JAG2: variants seen among roughly 807,000 people sequenced by gnomAD.
JAG2 encodes protein jagged-2.
In JAG2, 46 loss-of-function variants were observed where a neutral mutation model predicts 141.7. That is an observed-to-expected ratio of 0.32 (90% CI 0.26 to 0.42). The LOEUF (loss-of-function observed/expected upper bound fraction) is 0.42, where lower values mean the gene tolerates loss of function less well. JAG2 is among the 10% of genes least tolerant of loss of function. The probability of loss-of-function intolerance (pLI) is 1.00; values close to 1 mark genes in which losing one functional copy is unlikely to be tolerated. For missense variants in JAG2, 1,500 were observed against 1,817.5 expected (o/e 0.83, Z 3.18); for synonymous variants, 862 against 763.5 (o/e 1.13, Z -2.13).
rs1407813724 is a variant in JAG2, at chr14:105,141,688, C to T, written c.*1007G>A. On this transcript the variant is annotated 3_prime_UTR_variant, in exon 26 of 26. Transcript: ENST00000331782. ...TCTGCCGGCGTGGCTCTCCCCCAACCTCACTCTCAATACAAAAGGGACAGC... is the reference window on the plus strand; with the variant it reads ...TCTGCCGGCGTGGCTCTCCCCCAACTTCACTCTCAATACAAAAGGGACAGC... 6.6e-6 allele frequency: 1 copy of T among 152,386 alleles called. No individual in the cohort carries two copies. Among genetic ancestry groups the T allele is most frequent in the Non-Finnish European group, 1.5e-5 (1 of 68,126 alleles). The allele number at this position is 152,386 out of a possible 1,614,324, so 9.4% of individuals were successfully genotyped here. A position where few individuals can be genotyped will look rare whatever the true frequency, so the allele number is the denominator to read the frequency against.
At chr14:105,145,262 G>A (rs914364040) in intron 23 of JAG2, among the ~76,000 whole-genome samples, 9 of 152,170 alleles carry the variant, frequency 5.9e-5, no homozygotes, top group East Asian at 1.9e-4. Flanking sequence ...GTGCCCACCC[G>A]CCCATCCTCA....
intron 20 of JAG2, 75 bp from the exon 21 acceptor site, chr14:105,146,799 G>T: frequency 8.2e-7 from 1 of 1,218,448 alleles, no homozygotes; most frequent in Non-Finnish European, 1.2e-6. Context: ...CTAGGGCAGC[G>T]GGGAGCCAGT....
At chr14:105,160,009 C>A (rs187103355) in intron 2 of JAG2, among the ~76,000 whole-genome samples, 1 of 12,066 alleles carries the variant, frequency 8.3e-5, no homozygotes. Context: ...CTCTGTCCAC[C>A]CCCCCCAACA....
rs741859 is a variant in JAG2, at chr14:105,141,642, C to T, written c.*1053G>A. On this transcript the variant is annotated 3_prime_UTR_variant, in exon 26 of 26. Transcript: ENST00000331782. ...GCCACGTGGGCCAATACCCAGCACG[C>T]GCCCCACTGCCCCAAGCCTCTCTGC... is the stretch of plus-strand genomic sequence containing the variant. The T allele has an allele frequency of 0.88, 134,108 of 152,228 alleles. 59,446 individuals are homozygous for T. Among genetic ancestry groups the T allele is most frequent in the African/African-American group, 0.9 (37,479 of 41,522 alleles). The allele number at this position is 152,228 out of a possible 1,614,324, so 9.4% of individuals were successfully genotyped here. A position where few individuals can be genotyped will look rare whatever the true frequency, so the allele number is the denominator to read the frequency against.
Position 105,145,931 on chromosome 14 carries a change from C to A in JAG2, c.2752G>T (p.Glu918Ter). The change falls in exon 23 of 26, where the codon GAG (glutamate) becomes TAG (stop). Residue 918 changes from glutamate to a stop codon, truncating the protein, a stop_gained. Coordinates refer to ENST00000331782, the MANE Select transcript of JAG2 (RefSeq NM_002226.5). LOFTEE classifies it high-confidence loss of function. Reference protein sequence around the residue: ...WKPCLLAGQPEALSAQCPLGQ... With the variant: ...WKPCLLAGQP Reference sequence around the variant, plus strand: ...AGTGGGCACTGGGCGCTCAGGGCCTCGGGCTGGCCGGCCAGCAGACAAGGC... The same window carrying A: ...AGTGGGCACTGGGCGCTCAGGGCCTAGGGCTGGCCGGCCAGCAGACAAGGC... 1.3e-6 allele frequency: 2 copies of A among 1,579,574 alleles called. No individual in the cohort carries two copies. The highest frequency in any genetic ancestry group is 2.3e-5 in the East Asian group (1 of 42,832).
At chr14:105,147,091 C>T (rs1595174219) in intron 20 of JAG2, 6 of 613,414 alleles carry the variant, frequency 9.8e-6, no homozygotes, top group African/African-American at 1.8e-5. Context: ...CCCCACAGCT[C>T]CCTGGGCCCC....
chr14:105,143,700 C>G, intron 24 of JAG2, 62 bp from the exon 25 acceptor site: 2 of 1,582,858 alleles, frequency 1.3e-6, no homozygotes, highest in East Asian at 2.3e-5. Flanking sequence ...GCAGCCTGCC[C>G]CCAACACTGA....
chr14:105,147,626 G>GT lies in JAG2; in HGVS notation c.2366-100_2366-99insA, dbSNP rs1481931477. The GT allele has an allele frequency of 3.1e-5, 41 of 1,328,974 alleles. No homozygotes were observed. The African/African-American group carries it at 5.8e-4, about 19-fold the overall frequency. 82.3% of individuals were successfully genotyped at this position (1,328,974 alleles called of 1,614,324 possible). On this transcript the variant is annotated intron_variant, in intron 18 of 25. Transcript: ENST00000331782. ...TGGCGTGATCAGGCTGTGGGGCTGG[G>GT]GAGGGTCATCAAGGAGGGTGCCTTT... is the stretch of plus-strand genomic sequence containing the variant.
chr14:105,168,387 G>T lies in JAG2; in HGVS notation c.34C>A (p.Arg12=). 2 of 1,015,596 alleles carry T rather than the reference G, an allele frequency of 2.0e-6. No homozygotes were observed. The highest frequency in any genetic ancestry group is 2.4e-6 in the Non-Finnish European group (2 of 827,402). 62.9% of individuals were successfully genotyped at this position (1,015,596 alleles called of 1,614,324 possible). The change falls in exon 1 of 26, where the codon CGG becomes AGG. Residue 12 remains arginine (R), a synonymous_variant. Transcript: ENST00000331782. The part of the protein sequence containing the change: ...RAQGRGRLPR[R]LLLLLALWVQ... ...CAGAGCGCCAGCAGCAGCAGCAGCC[G>T]CCGGGGAAGGCGCCCCCGGCCCTGC...
rs1206182498 is a variant in JAG2 at position 105,167,150 on chromosome 14, A to C, written c.417+607T>G. ...CCCTCCAGAATAACAAAACCAAAAA[A>C]ACCCACAAACAGGGCAGTGCCACAG... On this transcript the variant is annotated intron_variant, in intron 2 of 25. Transcript: ENST00000331782. The surrounding 1 kb of genome is among the most constrained non-coding windows in gnomAD (Gnocchi z 4.8). 2.6e-5 allele frequency among the ~76,000 whole-genome samples: 4 copies of C among 152,128 alleles called. No individual in the cohort carries two copies. Among genetic ancestry groups the C allele is most frequent in the East Asian group, 1.9e-4 (1 of 5,172 alleles).
chr14:105,147,672 G>T, intron 18 of JAG2, 100 bp downstream of exon 18: 1 of 1,085,002 alleles, frequency 9.2e-7, no homozygotes, highest in Non-Finnish European at 1.4e-6. Context: ...AGGGGCAGCA[G>T]GGGGAGGGGC....
chr14:105,158,986 G>T (rs901611899), intron 2 of JAG2, among the ~76,000 whole-genome samples: 1 of 151,476 alleles, frequency 6.6e-6, no homozygotes, highest in African/African-American at 2.4e-5. Flanking sequence ...CCCACCCCAC[G>T]CACGTCCCAG....
At chr14:105,166,765 C>T (rs1027956521) in intron 2 of JAG2, among the ~76,000 whole-genome samples, 2 of 152,212 alleles carry the variant, frequency 1.3e-5, no homozygotes, top group African/African-American at 4.8e-5. Context: ...GGGCACACTC[C>T]GGTGCCTCCT....
At chr14:105,161,529 C>T (rs1888747007) in intron 2 of JAG2, among the ~76,000 whole-genome samples, 1 of 152,300 alleles carries the variant, frequency 6.6e-6, no homozygotes, top group Non-Finnish European at 1.5e-5. Context: ...TTACCTGCTC[C>T]CGCAGGGACG....
chr14:105,165,637 C>A (rs895548429), intron 2 of JAG2, among the ~76,000 whole-genome samples: 5 of 152,188 alleles, frequency 3.3e-5, no homozygotes, highest in African/African-American at 1.2e-4. Flanking sequence ...CCCAGCCAGG[C>A]CTGGGTCAAC....
chr14:105,148,515 G>A, intron 15 of JAG2, 76 bp from the exon 16 acceptor site: 1 of 1,131,384 alleles, frequency 8.8e-7, no homozygotes, highest in Non-Finnish European at 1.3e-6. Context: ...AGGAAGCACT[G>A]GAGCTGGGCC....
Position 105,146,742 on chromosome 14 carries a change from G to A in JAG2, c.2480-18C>T, listed in dbSNP as rs753642964. Reference sequence around the variant, plus strand: ...GTCGATGTCTGCAGGGAGAGCCACCGCTGCTCAGTGCAGTGAGGCCAACGC... The same window carrying A: ...GTCGATGTCTGCAGGGAGAGCCACCACTGCTCAGTGCAGTGAGGCCAACGC... On this transcript the variant is annotated intron_variant, in intron 20 of 25. Transcript: ENST00000331782. 2.5e-5 allele frequency: 39 copies of A among 1,588,476 alleles called. No homozygotes were observed. In the East Asian group the frequency reaches 2.9e-4, roughly 12 times the overall value.
At chr14:105,166,946 C>T (rs1888930330) in intron 2 of JAG2, among the ~76,000 whole-genome samples, 2 of 152,138 alleles carry the variant, frequency 1.3e-5, no homozygotes, top group African/African-American at 4.8e-5. Flanking sequence ...TGAGGTAAGG[C>T]GCCCGAGGCC....
chr14:105,161,001 G>A (rs1482755841), intron 2 of JAG2, among the ~76,000 whole-genome samples: 1 of 152,242 alleles, frequency 6.6e-6, no homozygotes, highest in Non-Finnish European at 1.5e-5. Context: ...AGCCCACGGG[G>A]ACAGTGGGGT....
Sources: allele counts gnomAD v4.1 joint callset (sites outside exome capture counted in the v4.1 genomes callset), GRCh38; gene constraint gnomAD v4.1.1; non-coding constraint Gnocchi (gnomAD v3.1); transcripts MANE v1.5; gene names NCBI Gene and HGNC (gene_info 2026-07-23, HGNC 2026-07-21).